CDH8: variants seen among roughly 807,000 people sequenced by gnomAD.
CDH8 encodes the protein cadherin 8, also known as cadherin-8.
CDH8 carries 17 observed loss-of-function variants against 68.1 expected under a neutral mutation model. The ratio of observed to expected loss-of-function variants is 0.25; its 90% CI spans 0.17 to 0.37. The LOEUF (loss-of-function observed/expected upper bound fraction) is 0.37, where lower values mean the gene tolerates loss of function less well. CDH8 is among the 10% of genes least tolerant of loss of function. The pLI, the probability that CDH8 is intolerant of heterozygous loss-of-function variation, is 1.00. For missense variants in CDH8, 763 were observed against 999.3 expected, an observed-to-expected ratio of 0.76 and a Z score of 3.19; for synonymous variants, 372 against 365.1, an observed-to-expected ratio of 1.02 and a Z score of -0.21.
intron 8 of CDH8, among the ~76,000 whole-genome samples, chr16:61,772,227 T>C (rs1960795310): frequency 6.6e-6 from 1 of 151,998 alleles, no homozygotes; most frequent in South Asian, 2.1e-4. Context: ...ACCAGTAATA[T>C]CTCATTGTGT....
At chr16:61,790,146 A>C (rs559350522) in intron 7 of CDH8, among the ~76,000 whole-genome samples, 104 of 152,174 alleles carry the variant, frequency 6.8e-4, no homozygotes, top group African/African-American at 2.4e-3. Context: ...TAAACACTAC[A>C]GTCTACTAAA....
chr16:61,683,582 T>C (rs768950990), intron 10 of CDH8, among the ~76,000 whole-genome samples: 5 of 152,034 alleles, frequency 3.3e-5, no homozygotes, highest in Admixed American at 1.3e-4. Context: ...AAATACTATT[T>C]GAGTTCTTTA....
intron 3 of CDH8, among the ~76,000 whole-genome samples, chr16:61,898,061 G>A (rs1458226550): frequency 6.6e-6 from 1 of 152,154 alleles, no homozygotes; most frequent in Non-Finnish European, 1.5e-5. Flanking sequence ...CAGCACTTTG[G>A]AAGGCTGAAG....
intron 8 of CDH8, among the ~76,000 whole-genome samples, chr16:61,783,657 G>A (rs1468191050): frequency 6.7e-6 from 1 of 150,272 alleles, no homozygotes; most frequent in African/African-American, 2.5e-5. Context: ...AAGTTGAAAT[G>A]AAGGAAAAAA....
intron 2 of CDH8, among the ~76,000 whole-genome samples, chr16:61,934,758 G>A (rs534793181): frequency 6.6e-6 from 1 of 152,196 alleles, no homozygotes; most frequent in Admixed American, 6.5e-5. Context: ...TGTGTTGTTA[G>A]TATTCAAGAC....
intron 4 of CDH8, among the ~76,000 whole-genome samples, chr16:61,838,839 G>C (rs1962622885): frequency 1.3e-5 from 2 of 152,068 alleles, no homozygotes; most frequent in African/African-American, 4.8e-5. Context: ...GAGTAACTTT[G>C]AATAAGTCAC....
chr16:61,884,443 G>A (rs1597040804), intron 3 of CDH8, among the ~76,000 whole-genome samples: 1 of 149,998 alleles, frequency 6.7e-6, no homozygotes, highest in Admixed American at 6.7e-5. Flanking sequence ...GCGTGATCTC[G>A]GCTCATTGCA....
At chr16:61,695,331 T>C (rs537075725) in intron 10 of CDH8, among the ~76,000 whole-genome samples, 2 of 152,232 alleles carry the variant, frequency 1.3e-5, no homozygotes, top group Admixed American at 1.3e-4. Flanking sequence ...GCCCCCCAAA[T>C]GTAGCTGAAT....
intron 3 of CDH8, among the ~76,000 whole-genome samples, chr16:61,858,499 T>C (rs1024489612): frequency 1.3e-5 from 2 of 152,200 alleles, no homozygotes; most frequent in Non-Finnish European, 2.9e-5. Context: ...ATAATGGTTA[T>C]TGAATATACC....
chr16:61,706,413 C>T (rs547760087), intron 10 of CDH8, among the ~76,000 whole-genome samples: 3 of 151,900 alleles, frequency 2.0e-5, no homozygotes, highest in South Asian at 4.2e-4. Context: ...GTCAGGAGAT[C>T]GAGACCATCC....
chr16:61,675,840 T>G (rs919119378), intron 10 of CDH8, among the ~76,000 whole-genome samples: 1 of 151,058 alleles, frequency 6.6e-6, no homozygotes, highest in African/African-American at 2.4e-5. Flanking sequence ...GAAGTTAAAG[T>G]TTGATAAGCT....
chr16:62,023,608 CA>C (rs551912114), intron 1 of CDH8, among the ~76,000 whole-genome samples: 1 of 151,560 alleles, frequency 6.6e-6, no homozygotes, highest in Non-Finnish European at 1.5e-5. Flanking sequence ...TTTGAGAAAA[CA>C]AAAAAAATGA....
intron 2 of CDH8, among the ~76,000 whole-genome samples, chr16:61,945,991 A>C (rs1040254179): frequency 6.6e-6 from 1 of 152,198 alleles, no homozygotes; most frequent in African/African-American, 2.4e-5. Flanking sequence ...TATTTTAATG[A>C]GTCACAGGCA....
At chr16:61,855,026 T>C (rs969588259) in intron 4 of CDH8, among the ~76,000 whole-genome samples, 2 of 152,166 alleles carry the variant, frequency 1.3e-5, no homozygotes, top group African/African-American at 4.8e-5. Context: ...TCTATTTTTA[T>C]TTAAATTGTG....
chr16:61,791,899 A>T (rs1250426041), intron 7 of CDH8, among the ~76,000 whole-genome samples: 1 of 152,026 alleles, frequency 6.6e-6, no homozygotes, highest in Non-Finnish European at 1.5e-5. Flanking sequence ...ACTGAGCTTC[A>T]ATTTATTTGC....
At chr16:61,858,090 TAC>T (rs940653159) in intron 3 of CDH8, among the ~76,000 whole-genome samples, 8 of 149,972 alleles carry the variant, frequency 5.3e-5, no homozygotes, top group African/African-American at 2.0e-4. Context: ...CACACACACA[TAC>T]ACACACACAC....
chr16:61,892,952 T>C (rs529311274), intron 3 of CDH8, among the ~76,000 whole-genome samples: 12 of 152,302 alleles, frequency 7.9e-5, no homozygotes, highest in Non-Finnish European at 1.3e-4. Context: ...GCTGAACTTG[T>C]AGTTTTCAAT....
chr16:61,738,979 AT>A (rs1280856230), intron 8 of CDH8, among the ~76,000 whole-genome samples: 1 of 151,908 alleles, frequency 6.6e-6, no homozygotes, highest in African/African-American at 2.4e-5. Context: ...CATATCTCTT[AT>A]TTTTTCCATG....
intron 2 of CDH8, among the ~76,000 whole-genome samples, chr16:61,916,624 T>A (rs181064790): frequency 1.3e-5 from 2 of 152,290 alleles, no homozygotes; most frequent in East Asian, 3.9e-4. Flanking sequence ...CTTTTTTGTA[T>A]TGATTAGATA....
Sources: allele counts gnomAD v4.1 joint callset (sites outside exome capture counted in the v4.1 genomes callset), GRCh38; gene constraint gnomAD v4.1.1; transcripts MANE v1.5; gene names NCBI Gene and HGNC (gene_info 2026-07-23, HGNC 2026-07-21).